Variants in TCF7L2 observed in about 807,000 individuals in gnomAD.
The protein encoded by TCF7L2 is transcription factor 7 like 2, also known as transcription factor 7-like 2.
Under a neutral mutation model 77.9 loss-of-function variants are expected in TCF7L2, and 23 were observed. The ratio of observed to expected loss-of-function variants is 0.30; its 90% CI spans 0.21 to 0.42. The LOEUF (loss-of-function observed/expected upper bound fraction) is 0.42. TCF7L2 is among the 10% of genes least tolerant of loss of function. The probability of loss-of-function intolerance (pLI) is 1.00; values close to 1 mark genes in which losing one functional copy is unlikely to be tolerated. For missense variants in TCF7L2, 654 were observed against 793.1 expected, an observed-to-expected ratio of 0.82 and a Z score of 2.11; for synonymous variants, 413 against 340.2, an observed-to-expected ratio of 1.21 and a Z score of -2.36.
At chr10:113,045,306 G>T (rs2053238324) in intron 5 of TCF7L2, among the ~76,000 whole-genome samples, 1 of 152,180 alleles carries the variant, frequency 6.6e-6, no homozygotes, top group South Asian at 2.1e-4. Context: ...CTGTTCTAGA[G>T]AGGAGGAACT....
At chr10:112,952,157 C>A (rs971510834) in intron 3 of TCF7L2, among the ~76,000 whole-genome samples, 1 of 152,196 alleles carries the variant, frequency 6.6e-6, no homozygotes, top group Non-Finnish European at 1.5e-5. Flanking sequence ...AGGCATTGGA[C>A]TTGAGAACTG....
chr10:113,072,304 C>G (rs920748627), intron 5 of TCF7L2, among the ~76,000 whole-genome samples: 4 of 104,126 alleles, frequency 3.8e-5, no homozygotes, highest in African/African-American at 1.5e-4. Flanking sequence ...ATCCTCCCGC[C>G]TCAGCCTTCC....
chr10:113,062,305 C>G (rs778603991), intron 5 of TCF7L2, among the ~76,000 whole-genome samples: 7 of 152,304 alleles, frequency 4.6e-5, no homozygotes, highest in Non-Finnish European at 1.0e-4. Flanking sequence ...CTGGCTGCTT[C>G]CCTCCTCAAC....
intron 5 of TCF7L2, among the ~76,000 whole-genome samples, chr10:113,080,286 A>C (rs553845612): frequency 1.1e-3 from 173 of 152,070 alleles, no homozygotes; most frequent in African/African-American, 4.0e-3. Flanking sequence ...TTTCAAGCTG[A>C]GAAACCCCAC....
Position 112,982,234 on chromosome 10 carries a change from T to TA in TCF7L2, c.450+17616dup, listed in dbSNP as rs200788687. 1.7e-3 allele frequency among the ~76,000 whole-genome samples: 265 copies of TA among 151,966 alleles called. 2 individuals carry two copies. Among genetic ancestry groups the TA allele is most frequent in the African/African-American group, 5.9e-3 (246 of 41,434 alleles). On this transcript the variant is annotated intron_variant, in intron 4 of 13. Transcript: ENST00000627217. The stretch of plus-strand genomic sequence containing the variant: ...ATTTAATTTCCACCACTTTTTTTTT[T>TA]AAAAAATAACATAAGGCTGAAACTT...
intron 5 of TCF7L2, among the ~76,000 whole-genome samples, chr10:113,118,518 GGGGTGTGTGTGT>G (rs1564918405): frequency 4.4e-5 from 2 of 45,476 alleles, no homozygotes; most frequent in African/African-American, 1.8e-4. Flanking sequence ...GGTCATCTGG[GGGGTGTGTGTGT>G]GTGTGTGTGT....
At chr10:112,961,628 A>C (rs1415038746) in intron 3 of TCF7L2, among the ~76,000 whole-genome samples, 3 of 152,232 alleles carry the variant, frequency 2.0e-5, no homozygotes, top group Non-Finnish European at 4.4e-5. Flanking sequence ...GAGAGGGTGG[A>C]AACCCAAAGG....
chr10:112,973,266 T>G (rs527661274), intron 4 of TCF7L2, among the ~76,000 whole-genome samples: 19 of 152,318 alleles, frequency 1.2e-4, no homozygotes, highest in Admixed American at 1.2e-3. Context: ...GTGTTCCTTC[T>G]CTGGGGATAG....
intron 3 of TCF7L2, among the ~76,000 whole-genome samples, chr10:112,958,023 A>G (rs2034124363): frequency 6.6e-6 from 1 of 152,130 alleles, no homozygotes; most frequent in African/African-American, 2.4e-5. Flanking sequence ...TTTCTAATCA[A>G]TGGCATGCAG....
intron 11 of TCF7L2, among the ~76,000 whole-genome samples, chr10:113,156,052 G>A (rs1473774196): frequency 6.6e-6 from 1 of 152,092 alleles, no homozygotes; most frequent in Non-Finnish European, 1.5e-5. Flanking sequence ...GCCTAAGCTT[G>A]GTGGCATCAC....
chr10:113,020,598 G>A (rs1011147562), intron 4 of TCF7L2, among the ~76,000 whole-genome samples: 1 of 152,128 alleles, frequency 6.6e-6, no homozygotes, highest in Admixed American at 6.5e-5. Context: ...GCAGAGGCGG[G>A]GTGCATTCCT....
At chr10:113,129,757 A>C in intron 5 of TCF7L2, 2 of 1,256,286 alleles carry the variant, frequency 1.6e-6, no homozygotes, top group Non-Finnish European at 2.0e-6. Flanking sequence ...AGGAAAAAGA[A>C]AAGTGAGAAA....
chr10:112,951,451 G>A (rs529568065), intron 2 of TCF7L2, 32 bp from the exon 3 acceptor site: 1 of 1,384,014 alleles, frequency 7.2e-7, no homozygotes, highest in Non-Finnish European at 9.6e-7. Context: ...CCGCGCGGCC[G>A]CCGCTGTCCC....
intron 8 of TCF7L2, among the ~76,000 whole-genome samples, chr10:113,149,722 T>C (rs1026396608): frequency 6.9e-6 from 1 of 145,236 alleles, no homozygotes; most frequent in Non-Finnish European, 1.6e-5. Flanking sequence ...GAGCAGATTG[T>C]TATTCCTTGG....
intron 5 of TCF7L2, among the ~76,000 whole-genome samples, chr10:113,108,704 C>T (rs1014763210): frequency 1.3e-5 from 2 of 152,180 alleles, no homozygotes; most frequent in African/African-American, 4.8e-5. Flanking sequence ...CTCTGCAGGG[C>T]CAGGGCGCTC....
At chr10:113,064,522 C>G (rs928414467) in intron 5 of TCF7L2, among the ~76,000 whole-genome samples, 2 of 152,238 alleles carry the variant, frequency 1.3e-5, no homozygotes, top group African/African-American at 4.8e-5. Flanking sequence ...TTGCCATAAA[C>G]GTGCACATGG....
chr10:113,101,995 C>T (rs201377188), intron 5 of TCF7L2, among the ~76,000 whole-genome samples: 1 of 147,072 alleles, frequency 6.8e-6, no homozygotes, highest in East Asian at 2.1e-4. Flanking sequence ...AAAAATTAGC[C>T]GGGCGTGGTG....
intron 5 of TCF7L2, among the ~76,000 whole-genome samples, chr10:113,049,846 G>A (rs1198345625): frequency 1.3e-5 from 2 of 152,226 alleles, no homozygotes; most frequent in Non-Finnish European, 2.9e-5. Context: ...CACTGGCCAT[G>A]CTTCGAGTGG....
intron 5 of TCF7L2, among the ~76,000 whole-genome samples, chr10:113,047,288 G>T (rs11196205): frequency 6.6e-6 from 1 of 151,970 alleles, no homozygotes; most frequent in African/African-American, 2.4e-5. Context: ...TTATAACTAC[G>T]AGCAGTATGT....
Sources: allele counts gnomAD v4.1 joint callset (sites outside exome capture counted in the v4.1 genomes callset), GRCh38; gene constraint gnomAD v4.1.1; transcripts MANE v1.5; gene names NCBI Gene and HGNC (gene_info 2026-07-23, HGNC 2026-07-21).